The following ZFP2 variants were observed in gnomAD, a reference collection of about 807,000 sequenced individuals.
The protein encoded by ZFP2 is zinc finger protein ZFP2.
ZFP2 carries 33 observed loss-of-function variants against 36.1 expected under a neutral mutation model. The ratio of observed to expected loss-of-function variants is 0.92; its 90% CI spans 0.69 to 1.22. The LOEUF (loss-of-function observed/expected upper bound fraction) is 1.22, where lower values mean the gene tolerates loss of function less well. Ranked by LOEUF, ZFP2 falls within the 50% of genes most tolerant of loss-of-function variation. The probability of loss-of-function intolerance (pLI) is 0.00; values close to 1 mark genes in which losing one functional copy is unlikely to be tolerated. For synonymous variants in ZFP2, 170 were observed against 178.0 expected (o/e 0.96, Z 0.36); for missense variants, 522 against 551.4 (o/e 0.95, Z 0.53).
chr5:178,912,841 T>C (rs2113084721), intron 2 of ZFP2, 122 bp downstream of exon 2: 1 of 901,522 alleles, frequency 1.1e-6, no homozygotes, highest in Admixed American at 6.2e-5. Flanking sequence ...AAATTTTCTG[T>C]AGAGAATGGA....
chr5:178,908,594 C>A (rs574033868), intron 1 of ZFP2, among the ~76,000 whole-genome samples: 1 of 150,050 alleles, frequency 6.7e-6, no homozygotes, highest in Non-Finnish European at 1.5e-5. Flanking sequence ...CCCATCCCCC[C>A]CTCCCTGCTC....
chr5:178,928,707 G>T (rs1317288546), intron 4 of ZFP2, among the ~76,000 whole-genome samples: 1 of 152,184 alleles, frequency 6.6e-6, no homozygotes, highest in Non-Finnish European at 1.5e-5. Context: ...CCACATGCAG[G>T]GTGCAAACTG....
chr5:178,932,244 A>G lies in ZFP2; in HGVS notation c.931A>G (p.Thr311Ala). 2 of 1,614,188 alleles carry G rather than the reference A, an allele frequency of 1.2e-6. No individual in the cohort carries two copies. The highest frequency in any genetic ancestry group is 1.7e-6 in the Non-Finnish European group (2 of 1,180,020). ...NKCGKSFSQS[T>A]YLIEHQRLHS... is the part of the protein sequence containing the mutation. ...ATGCGGGAAATCCTTTAGCCAAAGT[A>G]CATATCTTATAGAACATCAGAGACT... The change falls in exon 5 of 5, where the codon ACA becomes GCA. Residue 311 changes from threonine to alanine, a missense_variant. Transcript: ENST00000361362.
intron 3 of ZFP2, chr5:178,915,839 C>T (rs551073186): frequency 6.6e-6 from 1 of 152,250 alleles, no homozygotes; most frequent in South Asian, 2.1e-4. Context: ...TATGTAGGCT[C>T]ACCGAATTGT....
intron 4 of ZFP2, among the ~76,000 whole-genome samples, chr5:178,918,867 A>G (rs1758492307): frequency 6.6e-6 from 1 of 152,208 alleles, no homozygotes; most frequent in Non-Finnish European, 1.5e-5. Context: ...CAAGGATCTG[A>G]AACATTGTTT....
At chr5:178,897,161 T>TAA (rs1757963297) in intron 1 of ZFP2, among the ~76,000 whole-genome samples, 1 of 152,166 alleles carries the variant, frequency 6.6e-6, no homozygotes. Flanking sequence ...CAGTAAGGAT[T>TAA]TTGATACCTC....
Position 178,910,124 on chromosome 5 carries a change from G to A in ZFP2, c.-449-2460G>A, listed in dbSNP as rs1758260867. 2.2e-5 allele frequency: 32 copies of A among 1,453,554 alleles called. No individual in the cohort carries two copies. In the South Asian group the frequency reaches 3.2e-4, roughly 15 times the overall value. 90.0% of individuals were successfully genotyped at this position (1,453,554 alleles called of 1,614,324 possible). On this transcript the variant is annotated intron_variant, in intron 1 of 4. Transcript: ENST00000361362. ...GTTTGGCTTCTGTTAAGAGGCTGGA[G>A]AACCGTGCACAGATTCTGTCACTGC...
chr5:178,908,637 A>C lies in ZFP2; in HGVS notation c.-449-3947A>C, dbSNP rs553098407. 1.8e-4 allele frequency among the ~76,000 whole-genome samples: 28 copies of C among 151,588 alleles called. No individual in the cohort carries two copies. The East Asian group carries it at 4.7e-3, about 25-fold the overall frequency. On this transcript the variant is annotated intron_variant, in intron 1 of 4. Transcript: ENST00000361362. ...TCCCCTACCAAAAAAAAAAAAAAAAAACCTAATTTGTGCAAGAAATGGCAG... is the reference window on the plus strand; with the variant it reads ...TCCCCTACCAAAAAAAAAAAAAAAACACCTAATTTGTGCAAGAAATGGCAG...
chr5:178,914,952 A>C (rs1255646270), intron 3 of ZFP2, among the ~76,000 whole-genome samples: 1 of 152,174 alleles, frequency 6.6e-6, no homozygotes, highest in Non-Finnish European at 1.5e-5. Context: ...AGATTTCTGT[A>C]AACCTTACGT....
intron 4 of ZFP2, among the ~76,000 whole-genome samples, chr5:178,917,932 G>A (rs1263312526): frequency 6.6e-6 from 1 of 152,220 alleles, no homozygotes; most frequent in Non-Finnish European, 1.5e-5. Context: ...CCCTGTCTGG[G>A]AAGCTTTCCC....
intron 1 of ZFP2, chr5:178,910,652 C>T: frequency 2.6e-6 from 1 of 381,276 alleles, no homozygotes; most frequent in South Asian, 2.4e-5. Flanking sequence ...GGATCAGTTG[C>T]CCTCACTGCC....
At chr5:178,914,523 T>C (rs1346183865) in intron 3 of ZFP2, among the ~76,000 whole-genome samples, 4 of 152,250 alleles carry the variant, frequency 2.6e-5, no homozygotes, top group South Asian at 4.1e-4. Flanking sequence ...TGTATTCTTA[T>C]GTAAATAACC....
chr5:178,923,758 T>C (rs910353112), intron 4 of ZFP2, among the ~76,000 whole-genome samples: 1 of 148,778 alleles, frequency 6.7e-6, no homozygotes, highest in Non-Finnish European at 1.5e-5. Flanking sequence ...CTTTTTTTTT[T>C]TTTCTTTCGT....
intron 1 of ZFP2, among the ~76,000 whole-genome samples, chr5:178,907,624 A>AGAT (rs1758194239): frequency 6.6e-6 from 1 of 151,246 alleles, no homozygotes; most frequent in African/African-American, 2.4e-5. Context: ...TCAAAGAGAT[A>AGAT]AATAAATAAA....
intron 1 of ZFP2, among the ~76,000 whole-genome samples, chr5:178,903,877 G>A (rs1758110893): frequency 1.3e-5 from 2 of 152,216 alleles, no homozygotes; most frequent in South Asian, 4.1e-4. Context: ...TGTAGTCCCA[G>A]CTACTGGGGA....
chr5:178,908,692 A>G (rs59713908), intron 1 of ZFP2, among the ~76,000 whole-genome samples: 10,225 of 151,806 alleles, frequency 0.067, 546 homozygotes, highest in East Asian at 0.24. Flanking sequence ...TACAAAAAAA[A>G]GATAACATGT....
chr5:178,927,707 G>GTGTT (rs1187924783), intron 4 of ZFP2, among the ~76,000 whole-genome samples: 1 of 136,006 alleles, frequency 7.4e-6, no homozygotes, highest in Non-Finnish European at 1.6e-5. Context: ...GTGTGTGTGT[G>GTGTT]TGTGTTTTAG....
At chr5:178,921,561 G>A (rs538482699) in intron 4 of ZFP2, among the ~76,000 whole-genome samples, 7 of 149,534 alleles carry the variant, frequency 4.7e-5, no homozygotes, top group African/African-American at 1.5e-4. Context: ...GGGTGCAATA[G>A]AACAGAGAAA....
chr5:178,901,710 A>G (rs2113049850), intron 1 of ZFP2, among the ~76,000 whole-genome samples: 1 of 152,230 alleles, frequency 6.6e-6, no homozygotes, highest in Admixed American at 6.5e-5. Context: ...TTTTTGGGGG[A>G]CACAGTTCAT....
Sources: allele counts gnomAD v4.1 joint callset (sites outside exome capture counted in the v4.1 genomes callset), GRCh38; gene constraint gnomAD v4.1.1; transcripts MANE v1.5; gene names NCBI Gene and HGNC (gene_info 2026-07-23, HGNC 2026-07-21).